The following TSHZ2 variants were observed in gnomAD, a reference collection of about 807,000 sequenced individuals.
TSHZ2 encodes teashirt homolog 2.
TSHZ2 carries 21 observed loss-of-function variants against 74.4 expected under a neutral mutation model. That is an observed-to-expected ratio of 0.28 (90% CI 0.20 to 0.41). TSHZ2 has a LOEUF of 0.41. Among genes scored for constraint, TSHZ2 ranks in the 10% least tolerant of loss-of-function variants. The pLI, the probability that TSHZ2 is intolerant of heterozygous loss-of-function variation, is 1.00. For missense variants in TSHZ2, 1,244 were observed against 1,293.5 expected (o/e 0.96, Z 0.59); for synonymous variants, 540 against 515.3 (o/e 1.05, Z -0.65).
At chr20:53,249,568 T>C (rs1420110313) in intron 1 of TSHZ2, among the ~76,000 whole-genome samples, 6 of 152,176 alleles carry the variant, frequency 3.9e-5, no homozygotes, top group Non-Finnish European at 5.9e-5. Flanking sequence ...GAAGGGCCCA[T>C]TGGAGCTGAG....
intron 2 of TSHZ2, among the ~76,000 whole-genome samples, chr20:53,306,703 G>A (rs1045634839): frequency 7.2e-5 from 11 of 152,300 alleles, no homozygotes; most frequent in Admixed American, 3.9e-4. Flanking sequence ...TTGAAGGCAC[G>A]CCCTCATAAT....
chr20:53,347,575 C>T (rs1980486325), intron 2 of TSHZ2, among the ~76,000 whole-genome samples: 1 of 152,126 alleles, frequency 6.6e-6, no homozygotes, highest in Non-Finnish European at 1.5e-5. Context: ...TATTTATTGT[C>T]TGTCTCTACT....
At chr20:53,355,141 C>G (rs1355357113) in intron 2 of TSHZ2, among the ~76,000 whole-genome samples, 3 of 152,020 alleles carry the variant, frequency 2.0e-5, no homozygotes, top group African/African-American at 4.8e-5. Flanking sequence ...TCCCATAGAG[C>G]TTAAATTGTA....
At chr20:53,258,995 C>G (rs908481560) in intron 2 of TSHZ2, among the ~76,000 whole-genome samples, 7 of 152,148 alleles carry the variant, frequency 4.6e-5, no homozygotes, top group Admixed American at 1.3e-4. Flanking sequence ...GAATGTTTCC[C>G]CCATCTGTAC....
intron 2 of TSHZ2, among the ~76,000 whole-genome samples, chr20:53,326,463 C>A (rs1979496661): frequency 6.6e-6 from 1 of 152,142 alleles, no homozygotes; most frequent in Non-Finnish European, 1.5e-5. Flanking sequence ...TCAGCAACGC[C>A]CATGATAGAG....
At chr20:53,268,822 T>C (rs1221071076) in intron 2 of TSHZ2, among the ~76,000 whole-genome samples, 1 of 152,226 alleles carries the variant, frequency 6.6e-6, no homozygotes, top group African/African-American at 2.4e-5. Flanking sequence ...AAATCTGAGC[T>C]ATTATTTTTA....
intron 1 of TSHZ2, among the ~76,000 whole-genome samples, chr20:53,164,077 T>C (rs1988010908): frequency 6.6e-6 from 1 of 152,204 alleles, no homozygotes. Context: ...ATTTACTTTG[T>C]TCTGTTTTTT....
chr20:53,204,221 CATCATATGATGATATGATACT>C (rs1989092753), intron 1 of TSHZ2, among the ~76,000 whole-genome samples: 1 of 143,472 alleles, frequency 7.0e-6, no homozygotes. Flanking sequence ...GATACTATAT[CATCATATGATGATATGATACT>C]ATATCATCAT....
intron 2 of TSHZ2, among the ~76,000 whole-genome samples, chr20:53,403,506 T>C (rs368306838): frequency 2.3e-4 from 35 of 152,182 alleles, no homozygotes; most frequent in African/African-American, 8.4e-4. Flanking sequence ...AAGATAAATG[T>C]CCACCAAGAA....
At chr20:53,403,586 C>T (rs1278245228) in intron 2 of TSHZ2, among the ~76,000 whole-genome samples, 1 of 152,190 alleles carries the variant, frequency 6.6e-6, no homozygotes, top group Non-Finnish European at 1.5e-5. Context: ...TCACGGATGG[C>T]TCTGCTGATG....
chr20:53,038,816 T>C (rs1216597781), intron 1 of TSHZ2, among the ~76,000 whole-genome samples: 1 of 152,140 alleles, frequency 6.6e-6, no homozygotes, highest in African/African-American at 2.4e-5. Context: ...AGAATAGGTA[T>C]TCTAACAAAG....
rs1387008966 is a variant in TSHZ2 at position 53,051,453 on chromosome 20, GCACGCACA to G, written c.40+78124_40+78131del. On this transcript the variant is annotated intron_variant, in intron 1 of 2. Coordinates refer to ENST00000371497, the MANE Select transcript of TSHZ2 (RefSeq NM_173485.6). Reference sequence around the variant, plus strand: ...TATTCTTATCATATTACTCTGTGGCGCACGCACACACACACACACACACACACACACAC... The same window carrying G: ...TATTCTTATCATATTACTCTGTGGCGCACACACACACACACACACACACAC... Among the ~76,000 whole-genome samples, 896 of 103,064 alleles carry G rather than the reference GCACGCACA, an allele frequency of 8.7e-3. 1 individual carries two copies. Among genetic ancestry groups the G allele is most frequent in the Non-Finnish European group, 0.012 (625 of 51,494 alleles). The allele number at this position is 103,064 out of a possible 152,430, so 67.6% of individuals were successfully genotyped here. A position where few individuals can be genotyped will look rare whatever the true frequency, so the allele number is the denominator to read the frequency against.
chr20:53,243,832 T>TTTTC (rs1555840077), intron 1 of TSHZ2, among the ~76,000 whole-genome samples: 10 of 151,728 alleles, frequency 6.6e-5, no homozygotes, highest in South Asian at 6.3e-4. Flanking sequence ...CTTTTTTTTT[T>TTTTC]TTTCTTTCTT....
intron 1 of TSHZ2, among the ~76,000 whole-genome samples, chr20:53,010,532 T>C (rs1394939310): frequency 6.6e-6 from 1 of 152,040 alleles, no homozygotes; most frequent in Admixed American, 6.6e-5. Flanking sequence ...CTGTGAGCCT[T>C]AGGAAGGAGG....
rs755569673 is a variant in TSHZ2 at position 53,256,141 on chromosome 20, A to G, written c.2683A>G (p.Thr895Ala). 5 of 1,613,726 alleles carry G rather than the reference A, an allele frequency of 3.1e-6. No homozygotes were observed. Among genetic ancestry groups the G allele is most frequent in the Non-Finnish European group, 4.2e-6 (5 of 1,179,680 alleles). ...ISKFTGLSMT[T>A]ISHWLANVKY... ...TAAGTTTACGGGACTCTCAATGACC[A>G]CTATCAGTCACTGGCTGGCCAACGT... is the stretch of plus-strand genomic sequence containing the variant. The change falls in exon 2 of 3, where the codon ACT becomes GCT. Residue 895 changes from threonine to alanine, a missense_variant. Around this residue, in one of 6 missense-constraint regions of TSHZ2, gnomAD observed 185 missense variants for 213.3 expected, o/e 0.87. Coordinates refer to ENST00000371497, the MANE Select transcript of TSHZ2 (RefSeq NM_173485.6). The surrounding 1 kb of genome is among the most constrained non-coding windows in gnomAD (Gnocchi z 4.3).
At chr20:53,358,234 T>C (rs1322950860) in intron 2 of TSHZ2, among the ~76,000 whole-genome samples, 2 of 151,400 alleles carry the variant, frequency 1.3e-5, no homozygotes, top group Admixed American at 6.6e-5. Flanking sequence ...AAACCAGCTT[T>C]GTATTGTTTT....
chr20:53,129,053 T>C (rs1987028254), intron 1 of TSHZ2, among the ~76,000 whole-genome samples: 1 of 152,140 alleles, frequency 6.6e-6, no homozygotes, highest in South Asian at 2.1e-4. Flanking sequence ...TCTAGCAATC[T>C]AGTAGGAGAA....
intron 1 of TSHZ2, among the ~76,000 whole-genome samples, chr20:53,116,777 T>A (rs1488326226): frequency 2.0e-5 from 3 of 152,212 alleles, no homozygotes; most frequent in African/African-American, 7.2e-5. Context: ...TGGCATTTTT[T>A]AATTCTGCCA....
intron 1 of TSHZ2, among the ~76,000 whole-genome samples, chr20:53,109,891 G>A (rs1025669546): frequency 6.6e-6 from 1 of 152,070 alleles, no homozygotes; most frequent in Non-Finnish European, 1.5e-5. Flanking sequence ...TGGGTTCTCA[G>A]CTCAGCTCAG....
Sources: gnomAD v4.1 joint callset for allele counts (sites outside exome capture counted in the v4.1 genomes callset) on GRCh38, gnomAD v4.1.1 for gene constraint, gnomAD v4.1.1 regional missense constraint, Gnocchi (gnomAD v3.1) non-coding constraint, MANE v1.5 for transcripts, NCBI Gene and HGNC (gene_info 2026-07-23, HGNC 2026-07-21) for gene names.